Variants in GALNT17 observed in about 807,000 individuals in gnomAD.
The protein encoded by GALNT17 is polypeptide N-acetylgalactosaminyltransferase 17.
A neutral mutation model predicts 63.7 loss-of-function variants in GALNT17; 29 were observed. That is an observed-to-expected ratio of 0.46 (90% CI 0.34 to 0.62). The LOEUF (loss-of-function observed/expected upper bound fraction) is 0.62. Among genes scored for constraint, GALNT17 ranks in the 20% least tolerant of loss-of-function variants. The probability of loss-of-function intolerance (pLI) is 0.01; values close to 1 mark genes in which losing one functional copy is unlikely to be tolerated. For synonymous variants in GALNT17, 305 were observed against 318.3 expected (o/e 0.96, Z 0.45); for missense variants, 603 against 799.6 (o/e 0.75, Z 2.97).
chr7:71,567,324 C>G (rs886725622), intron 5 of GALNT17, among the ~76,000 whole-genome samples: 1 of 152,154 alleles, frequency 6.6e-6, no homozygotes, highest in Non-Finnish European at 1.5e-5. Context: ...GATTGGCATG[C>G]GATTTCTGTA....
intron 5 of GALNT17, among the ~76,000 whole-genome samples, chr7:71,542,243 A>G (rs6969457): frequency 0.83 from 125,933 of 152,014 alleles, 52,500 homozygotes; most frequent in Non-Finnish European, 0.86. Context: ...CATGCTCTAT[A>G]ATTAAACAGA....
In GALNT17 at chr7:71,388,250, G is replaced by A. The variant is rs755095694; in HGVS notation, c.438G>A (p.Lys146=). The part of the protein sequence containing the change: ...DYRPTKCKEL[K]YSKDLPQISI... ...CCTTCCCCAGGTGTAAGGAGCTCAA[G>A]TACTCCAAGGACCTGCCCCAGATAT... Residue 146 remains lysine (K), a synonymous_variant, in exon 3 of 11, where the codon AAG becomes AAA. Coordinates refer to ENST00000333538, the MANE Select transcript of GALNT17 (RefSeq NM_022479.3). The A allele has an allele frequency of 5.0e-6, 8 of 1,613,618 alleles. No homozygotes were observed. Among genetic ancestry groups the A allele is most frequent in the Non-Finnish European group, 6.8e-6 (8 of 1,179,856 alleles).
At chr7:71,241,097 A>G (rs1427428340) in intron 1 of GALNT17, among the ~76,000 whole-genome samples, 2 of 152,112 alleles carry the variant, frequency 1.3e-5, no homozygotes. Flanking sequence ...GTTTATGATG[A>G]TGTTCTCTGT....
intron 1 of GALNT17, among the ~76,000 whole-genome samples, chr7:71,270,280 AT>A (rs1259350377): frequency 1.3e-5 from 2 of 151,970 alleles, no homozygotes; most frequent in Non-Finnish European, 2.9e-5. Context: ...CTATCTCTCA[AT>A]TTTTTATTAT....
At chr7:71,303,524 A>G (rs4717591) in intron 1 of GALNT17, among the ~76,000 whole-genome samples, 48,458 of 151,944 alleles carry the variant, frequency 0.32, 8,418 homozygotes, top group Non-Finnish European at 0.38. Flanking sequence ...TTGAATAGAC[A>G]TTGGGACACT....
intron 2 of GALNT17, among the ~76,000 whole-genome samples, chr7:71,365,547 ATAGTTT>A (rs1433609376): frequency 1.3e-5 from 2 of 152,114 alleles, no homozygotes; most frequent in African/African-American, 4.8e-5. Context: ...CCCAGGAGGA[ATAGTTT>A]TAATCTGTTG....
chr7:71,226,326 T>A (rs1297451784), intron 1 of GALNT17, among the ~76,000 whole-genome samples: 1 of 152,140 alleles, frequency 6.6e-6, no homozygotes, highest in Non-Finnish European at 1.5e-5. Context: ...GTGGTTGGCC[T>A]GGGAACCCCG....
At chr7:71,461,981 A>G (rs984868308) in intron 5 of GALNT17, among the ~76,000 whole-genome samples, 3 of 152,180 alleles carry the variant, frequency 2.0e-5, no homozygotes, top group Non-Finnish European at 2.9e-5. Flanking sequence ...CAGCAGTGCC[A>G]TTATTTGACT....
chr7:71,609,157 C>T (rs1399518280), intron 6 of GALNT17, among the ~76,000 whole-genome samples: 1 of 152,206 alleles, frequency 6.6e-6, no homozygotes, highest in Non-Finnish European at 1.5e-5. Context: ...ATCCACATCA[C>T]AGCCTTGATG....
intron 2 of GALNT17, among the ~76,000 whole-genome samples, chr7:71,378,066 C>T (rs1237298433): frequency 6.6e-6 from 1 of 152,174 alleles, no homozygotes; most frequent in Non-Finnish European, 1.5e-5. Flanking sequence ...ATATCTCATG[C>T]TTTAAAGCAG....
At chr7:71,344,778 C>CA (rs1377700263) in intron 2 of GALNT17, among the ~76,000 whole-genome samples, 43 of 152,160 alleles carry the variant, frequency 2.8e-4, no homozygotes, top group Non-Finnish European at 4.4e-5. Flanking sequence ...TTTCCTGTAA[C>CA]AAACTAAGGA....
chr7:71,273,856 A>T (rs6460644), intron 1 of GALNT17, among the ~76,000 whole-genome samples: 136,090 of 145,316 alleles, frequency 0.94, 63,498 homozygotes, highest in East Asian at 0.98. Flanking sequence ...TGTGTGTGTG[A>T]GAGAGAGAGA....
chr7:71,269,186 C>T (rs1275589917), intron 1 of GALNT17, among the ~76,000 whole-genome samples: 1 of 152,182 alleles, frequency 6.6e-6, no homozygotes, highest in African/African-American at 2.4e-5. Flanking sequence ...CTTTTGTGGC[C>T]AGGCATCATG....
intron 1 of GALNT17, among the ~76,000 whole-genome samples, chr7:71,254,753 G>A (rs1790259693): frequency 6.6e-6 from 1 of 152,112 alleles, no homozygotes; most frequent in Non-Finnish European, 1.5e-5. Context: ...CCACTTTTGA[G>A]CATATAAAGG....
At chr7:71,348,581 C>CGG (rs919603174) in intron 2 of GALNT17, among the ~76,000 whole-genome samples, 3 of 152,140 alleles carry the variant, frequency 2.0e-5, no homozygotes, top group Non-Finnish European at 4.4e-5. Context: ...TTATAACCCC[C>CGG]GGGGTCATTG....
chr7:71,261,053 G>A (rs1462478253), intron 1 of GALNT17, among the ~76,000 whole-genome samples: 2 of 152,208 alleles, frequency 1.3e-5, no homozygotes, highest in African/African-American at 4.8e-5. Flanking sequence ...ATTCCCCTAT[G>A]TGTGCACTTT....
chr7:71,274,276 G>C (rs1790645921), intron 1 of GALNT17, among the ~76,000 whole-genome samples: 1 of 152,164 alleles, frequency 6.6e-6, no homozygotes, highest in Non-Finnish European at 1.5e-5. Context: ...CTTTTTATTT[G>C]ATGTATTAAA....
chr7:71,651,522 T>TC (rs1476841716), intron 6 of GALNT17, among the ~76,000 whole-genome samples: 5 of 152,088 alleles, frequency 3.3e-5, no homozygotes, highest in Non-Finnish European at 5.9e-5. Flanking sequence ...CAGGATGGTC[T>TC]CCATCTCTTG....
At chr7:71,622,327 C>A (rs1014432341) in intron 6 of GALNT17, among the ~76,000 whole-genome samples, 1 of 152,212 alleles carries the variant, frequency 6.6e-6, no homozygotes, top group African/African-American at 2.4e-5. Flanking sequence ...AAAATGAAAT[C>A]ATACTCTTCC....
Sources: gnomAD v4.1 joint callset for allele counts (sites outside exome capture counted in the v4.1 genomes callset) on GRCh38, gnomAD v4.1.1 for gene constraint, MANE v1.5 for transcripts, NCBI Gene and HGNC (gene_info 2026-07-23, HGNC 2026-07-21) for gene names.